The following SYTL5 variants were observed in gnomAD, a reference collection of about 807,000 sequenced individuals.
SYTL5 encodes the protein synaptotagmin like 5, also known as synaptotagmin-like protein 5.
Under a neutral mutation model 55.9 loss-of-function variants are expected in SYTL5, and 34 were observed. The observed-to-expected ratio is 0.61, with a 90% CI of 0.46 to 0.81. The LOEUF (loss-of-function observed/expected upper bound fraction) is 0.81. Among genes scored for constraint, SYTL5 ranks in the 30% least tolerant of loss-of-function variants. SYTL5 has a pLI of 0.00. For synonymous variants in SYTL5, 221 were observed against 188.7 expected (o/e 1.17, Z -1.40); for missense variants, 637 against 546.7 (o/e 1.17, Z -1.65).
At chrX:38,066,868 T>G (rs756054168) in intron 3 of SYTL5, among the ~76,000 whole-genome samples, 8 of 112,200 alleles carry the variant, frequency 7.1e-5, no homozygotes, top group Non-Finnish European at 1.5e-4. Context: ...GGCAAATTGT[T>G]TAACCTATGT....
chrX:38,051,882 C>T (rs1393829537), intron 2 of SYTL5, among the ~76,000 whole-genome samples: 5 of 111,244 alleles, frequency 4.5e-5, no homozygotes, highest in African/African-American at 6.5e-5. Flanking sequence ...GGGTAGGAGA[C>T]GCACAATCCC....
chrX:38,063,368 C>T (rs888715595), intron 3 of SYTL5, among the ~76,000 whole-genome samples: 6 of 111,613 alleles, frequency 5.4e-5, no homozygotes, highest in African/African-American at 1.6e-4. Flanking sequence ...ATACAAGTGC[C>T]TCCACGCTTG....
intron 1 of SYTL5, among the ~76,000 whole-genome samples, chrX:38,021,177 G>C (rs970199304): frequency 9.0e-6 from 1 of 111,711 alleles, no homozygotes; most frequent in African/African-American, 3.3e-5. Context: ...TTTTGAGGTA[G>C]AGAGCCTATA....
chrX:38,020,633 T>C (rs1934523649), intron 1 of SYTL5, among the ~76,000 whole-genome samples: 2 of 108,641 alleles, frequency 1.8e-5, no homozygotes, highest in South Asian at 4.0e-4. Flanking sequence ...TTATAAATTC[T>C]TAATAGAAAG....
upstream of SYTL5, among the ~76,000 whole-genome samples, chrX:38,004,644 T>C: frequency 9.0e-6 from 1 of 111,338 alleles, no homozygotes; most frequent in Middle Eastern, 4.6e-3. Flanking sequence ...GAACTGAAGG[T>C]CATTATGTTA....
intron 1 of SYTL5, among the ~76,000 whole-genome samples, chrX:38,014,551 G>A (rs1293466148): frequency 1.8e-5 from 2 of 111,985 alleles, no homozygotes; most frequent in Admixed American, 1.9e-4. Context: ...AGGAGGTCCT[G>A]ACGACATGTG....
the SYTL5 span, among the ~76,000 whole-genome samples, chrX:37,919,094 G>C: frequency 5.4e-5 from 6 of 111,050 alleles, no homozygotes; most frequent in Non-Finnish European, 1.1e-4. Flanking sequence ...GATCCCCTGA[G>C]TTTCTTCTAT....
At chrX:38,013,361 T>C (rs1204639511) in intron 1 of SYTL5, among the ~76,000 whole-genome samples, 1 of 111,754 alleles carries the variant, frequency 8.9e-6, no homozygotes, top group Non-Finnish European at 1.9e-5. Flanking sequence ...AAAGAGTAGG[T>C]TCCTGAACAG....
the SYTL5 span, among the ~76,000 whole-genome samples, chrX:37,961,526 C>T: frequency 9.0e-6 from 1 of 111,305 alleles, no homozygotes; most frequent in Non-Finnish European, 1.9e-5. Context: ...TTCTATTTAG[C>T]GTATAGCAAA....
In SYTL5 at chrX:38,118,920, A is replaced by AATATATATATATATATATATATAT. The variant is rs61288420; in HGVS notation, c.1597-1418_1597-1417insATATATATATATATATATATATAT. ...CAGGTGCATGCCACCATGCCCAGCT[A>AATATATATATATATATATATATAT]ATATATATATATATATATATGTACG... On this transcript the variant is annotated intron_variant, in intron 13 of 16. Transcript: ENST00000297875. Among the ~76,000 whole-genome samples, 82 of 88,967 alleles carry AATATATATATATATATATATATAT rather than the reference A, an allele frequency of 9.2e-4. 2 individuals carry two copies. Among genetic ancestry groups the AATATATATATATATATATATATAT allele is most frequent in the African/African-American group, 3.5e-3 (79 of 22,626 alleles). The allele number at this position is 88,967 out of a possible 115,157, so 77.3% of individuals were successfully genotyped here.
the SYTL5 span, among the ~76,000 whole-genome samples, chrX:37,896,714 A>G: frequency 1.8e-5 from 2 of 111,995 alleles, no homozygotes; most frequent in Non-Finnish European, 3.8e-5. Context: ...TCATCTTGTC[A>G]CCAGCTGACC....
At chrX:37,956,073 C>T in the SYTL5 span, among the ~76,000 whole-genome samples, 4 of 111,713 alleles carry the variant, frequency 3.6e-5, no homozygotes, top group Non-Finnish European at 7.5e-5. Context: ...CAATTCCAAG[C>T]TAAACAATTA....
the SYTL5 span, among the ~76,000 whole-genome samples, chrX:37,963,290 T>G: frequency 3.1e-5 from 1 of 32,074 alleles, no homozygotes; most frequent in Non-Finnish European, 5.3e-5. Flanking sequence ...TTTTTGTGGG[T>G]TTTTTTTTTT....
At chrX:38,049,718 T>A (rs1362919213) in intron 2 of SYTL5, among the ~76,000 whole-genome samples, 2 of 111,947 alleles carry the variant, frequency 1.8e-5, no homozygotes, top group Non-Finnish European at 3.8e-5. Flanking sequence ...TGAGTGGCCA[T>A]GAGTATAGCT....
At chrX:38,060,081 A>T (rs1050572205) in intron 3 of SYTL5, among the ~76,000 whole-genome samples, 1 of 111,090 alleles carries the variant, frequency 9.0e-6, no homozygotes, top group African/African-American at 3.3e-5. Flanking sequence ...TAACTTCTAA[A>T]TATCACTATC....
the SYTL5 span, among the ~76,000 whole-genome samples, chrX:37,980,967 C>A: frequency 8.9e-6 from 1 of 112,322 alleles, no homozygotes; most frequent in Non-Finnish European, 1.9e-5. Flanking sequence ...AAGTGTTCAG[C>A]TCCTATGACA....
the SYTL5 span, among the ~76,000 whole-genome samples, chrX:37,908,081 C>T: frequency 1.0e-5 from 1 of 98,289 alleles, no homozygotes; most frequent in South Asian, 5.1e-4. Context: ...TGCACCACTA[C>T]ATTCTAGTTT....
the SYTL5 span, among the ~76,000 whole-genome samples, chrX:37,900,770 A>C: frequency 2.7e-5 from 3 of 111,057 alleles, no homozygotes; most frequent in African/African-American, 9.8e-5. Flanking sequence ...CATCTCTGAA[A>C]CAATTACCAT....
chrX:37,934,696 A>G, the SYTL5 span, among the ~76,000 whole-genome samples: 1 of 104,044 alleles, frequency 9.6e-6, no homozygotes, highest in Non-Finnish European at 2.0e-5. Flanking sequence ...GTGCAGTGGC[A>G]CGATCTTGGC....
Sources: allele counts gnomAD v4.1 joint callset (sites outside exome capture counted in the v4.1 genomes callset), GRCh38; gene constraint gnomAD v4.1.1; transcripts MANE v1.5; gene names NCBI Gene and HGNC (gene_info 2026-07-23, HGNC 2026-07-21).